Variants in NPFFR2 observed in about 807,000 individuals in gnomAD.
NPFFR2 encodes G-protein coupled receptor 74.
NPFFR2 carries 15 observed loss-of-function variants against 13.1 expected under a neutral mutation model. The observed-to-expected ratio is 1.15, with a 90% CI of 0.77 to 1.76. The LOEUF (loss-of-function observed/expected upper bound fraction) is 1.76. Ranked by LOEUF, NPFFR2 falls within the 40% of genes most tolerant of loss-of-function variation. The pLI is 0.00. For synonymous variants in NPFFR2, 190 were observed against 175.7 expected (o/e 1.08, Z -0.65); for missense variants, 572 against 503.5 (o/e 1.14, Z -1.30).
In NPFFR2 at chr4:72,147,379, T is replaced by G; in HGVS notation, c.830T>G (p.Leu277Arg). 2 of 1,614,208 alleles carry G rather than the reference T, an allele frequency of 1.2e-6. No individual in the cohort carries two copies. The highest frequency in any genetic ancestry group is 1.1e-5 in the South Asian group (1 of 91,090). The change falls in exon 4 of 4, where the codon CTG (leucine) becomes CGG (arginine). Residue 277 changes from leucine to arginine, a missense_variant. Leu to Arg is a moderately radical substitution (Grantham distance 102). Transcript: ENST00000308744. ...AAGCAGAAGATCATTAAGATGCTCC[T>G]GATTGTGGCCCTGCTTTTTATTCTC... ...RKKQKIIKML[L>R]IVALLFILSW...
intron 1 of NPFFR2, among the ~76,000 whole-genome samples, chr4:72,087,129 C>T (rs181703482): frequency 3.3e-5 from 5 of 152,058 alleles, no homozygotes; most frequent in East Asian, 1.9e-4. Context: ...TGATGATGTA[C>T]GTATTTTGGT....
chr4:72,109,859 A>C (rs1399729984), intron 1 of NPFFR2, among the ~76,000 whole-genome samples: 1 of 152,000 alleles, frequency 6.6e-6, no homozygotes, highest in Non-Finnish European at 1.5e-5. Flanking sequence ...CCCCATCTGC[A>C]GGGTGTATTG....
chr4:72,102,323 A>T (rs1405913110), intron 1 of NPFFR2, among the ~76,000 whole-genome samples: 2 of 152,110 alleles, frequency 1.3e-5, no homozygotes, highest in African/African-American at 4.8e-5. Flanking sequence ...TATACTAAAA[A>T]ATCTTTCAAT....
At chr4:72,078,472 G>T (rs1241648192) in intron 1 of NPFFR2, among the ~76,000 whole-genome samples, 1 of 152,090 alleles carries the variant, frequency 6.6e-6, no homozygotes, top group African/African-American at 2.4e-5. Flanking sequence ...TTTGAAAGAG[G>T]ACAGAAGACT....
intron 1 of NPFFR2, among the ~76,000 whole-genome samples, chr4:72,078,941 G>A (rs1366579475): frequency 6.6e-6 from 1 of 152,018 alleles, no homozygotes; most frequent in Non-Finnish European, 1.5e-5. Flanking sequence ...TGGAGGGTGG[G>A]AGGTGGCTGT....
At position 72,138,046 on chromosome 4, in the gene NPFFR2, C is replaced by A; in HGVS notation, c.335C>A (p.Pro112Gln). The stretch of plus-strand genomic sequence containing the variant: ...TGTTTCATTTTCCTTTCAGGATGGC[C>A]ATTTGGAAACACGATGTGCAAGATC... ...TLLDNIIAGW[P>Q]FGNTMCKISG... The change falls in exon 3 of 4, where the codon CCA (proline) becomes CAA (glutamine). Residue 112 changes from proline to glutamine, a missense_variant. Transcript: ENST00000308744. The A allele has an allele frequency of 1.2e-6, 2 of 1,610,778 alleles. No individual in the cohort carries two copies. Among genetic ancestry groups the A allele is most frequent in the East Asian group, 2.2e-5 (1 of 44,810 alleles).
At chr4:72,144,694 C>CACAA (rs957268615) in intron 3 of NPFFR2, among the ~76,000 whole-genome samples, 3 of 152,152 alleles carry the variant, frequency 2.0e-5, no homozygotes, top group Non-Finnish European at 4.4e-5. Flanking sequence ...CCACACCATA[C>CACAA]ACAAACAAAA....
intron 1 of NPFFR2, among the ~76,000 whole-genome samples, chr4:72,037,048 A>G (rs1471198740): frequency 1.3e-5 from 2 of 152,080 alleles, no homozygotes; most frequent in African/African-American, 2.4e-5. Flanking sequence ...GATTTCTCTC[A>G]AATTCCCTAC....
chr4:72,086,268 T>C (rs1270499090), intron 1 of NPFFR2, among the ~76,000 whole-genome samples: 1 of 152,032 alleles, frequency 6.6e-6, no homozygotes, highest in Non-Finnish European at 1.5e-5. Context: ...TTTAGATCCT[T>C]GTTGTTTTGC....
intron 1 of NPFFR2, among the ~76,000 whole-genome samples, chr4:72,109,301 C>T (rs942764386): frequency 6.6e-6 from 1 of 151,974 alleles, no homozygotes; most frequent in Non-Finnish European, 1.5e-5. Flanking sequence ...ATTTTTCCCT[C>T]CTTTTAACTT....
chr4:72,076,480 G>T (rs977600956), intron 1 of NPFFR2, among the ~76,000 whole-genome samples: 4 of 152,004 alleles, frequency 2.6e-5, no homozygotes, highest in African/African-American at 4.8e-5. Context: ...AATATTAAGA[G>T]AATACAGGGC....
At position 72,128,817 on chromosome 4, in the gene NPFFR2, A is replaced by G. The variant is rs758885989; in HGVS notation, c.226A>G (p.Met76Val). Residue 76 changes from methionine (M) to valine (V), a missense_variant, in exon 2 of 4, where the codon ATG becomes GTG. Coordinates refer to ENST00000308744, the MANE Select transcript of NPFFR2 (RefSeq NM_004885.3). The stretch of plus-strand genomic sequence containing the variant: ...CTTTATTGTAATGAGGAACAAACAT[A>G]TGCACACAGTCACTAATCTCTTCAT... ...VCFIVMRNKH[M>V]HTVTNLFILN... 8.7e-6 allele frequency: 14 copies of G among 1,613,978 alleles called. No homozygotes were observed. The East Asian group carries it at 3.1e-4, about 36-fold the overall frequency.
At chr4:72,085,693 A>G (rs1372182468) in intron 1 of NPFFR2, among the ~76,000 whole-genome samples, 1 of 152,148 alleles carries the variant, frequency 6.6e-6, no homozygotes, top group African/African-American at 2.4e-5. Flanking sequence ...GACAATCCAG[A>G]TGTAAAGAAA....
intron 1 of NPFFR2, among the ~76,000 whole-genome samples, chr4:72,045,580 G>A (rs1163925125): frequency 2.6e-5 from 4 of 152,128 alleles, no homozygotes; most frequent in Admixed American, 2.0e-4. Flanking sequence ...ATTCCCAAAT[G>A]CATTTAGTAC....
chr4:72,135,713 A>T (rs985864447), intron 2 of NPFFR2, among the ~76,000 whole-genome samples: 2 of 151,854 alleles, frequency 1.3e-5, no homozygotes, highest in Non-Finnish European at 1.5e-5. Flanking sequence ...TGGTTTTCCT[A>T]TAAGTATTTT....
At chr4:72,041,214 G>C (rs1185914368) in intron 1 of NPFFR2, among the ~76,000 whole-genome samples, 1 of 152,044 alleles carries the variant, frequency 6.6e-6, no homozygotes, top group Non-Finnish European at 1.5e-5. Context: ...CGTTTCCAAT[G>C]ATTAGCTCCC....
At chr4:72,100,356 T>C (rs879405616) in intron 1 of NPFFR2, among the ~76,000 whole-genome samples, 1 of 152,152 alleles carries the variant, frequency 6.6e-6, no homozygotes, top group African/African-American at 2.4e-5. Context: ...TGAATATGTA[T>C]AAGCTACTTA....
At chr4:72,076,006 C>CACACAGAGAG (rs746237728) in intron 1 of NPFFR2, among the ~76,000 whole-genome samples, 4 of 122,832 alleles carry the variant, frequency 3.3e-5, no homozygotes, top group East Asian at 4.2e-4. Context: ...CACACACACA[C>CACACAGAGAG]AGAGAGAGAG....
intron 1 of NPFFR2, among the ~76,000 whole-genome samples, chr4:72,068,683 A>G (rs531342837): frequency 5.2e-4 from 79 of 152,320 alleles, no homozygotes; most frequent in Non-Finnish European, 5.3e-4. Flanking sequence ...TAAATGAACA[A>G]AGCAGAAAAA....
Sources: allele counts gnomAD v4.1 joint callset (sites outside exome capture counted in the v4.1 genomes callset), GRCh38; gene constraint gnomAD v4.1.1; transcripts MANE v1.5; gene names NCBI Gene and HGNC (gene_info 2026-07-23, HGNC 2026-07-21).